The following PBX1 variants were observed in gnomAD, a reference collection of about 807,000 sequenced individuals.
PBX1 encodes the protein pre-B-cell leukemia transcription factor 1.
PBX1 carries 6 observed loss-of-function variants against 53.4 expected under a neutral mutation model. The ratio of observed to expected loss-of-function variants is 0.11; its 90% CI spans 0.06 to 0.22. The LOEUF (loss-of-function observed/expected upper bound fraction) is 0.22. PBX1 is among the 10% of genes least tolerant of loss of function. PBX1 has a pLI of 1.00. For synonymous variants in PBX1, 204 were observed against 212.3 expected, an observed-to-expected ratio of 0.96 and a Z score of 0.34; for missense variants, 251 against 551.4, an observed-to-expected ratio of 0.46 and a Z score of 5.46.
At chr1:164,798,840 CCAGAA>C (rs1269966866) in intron 3 of PBX1, among the ~76,000 whole-genome samples, 1 of 152,126 alleles carries the variant, frequency 6.6e-6, no homozygotes, top group East Asian at 1.9e-4. Flanking sequence ...CTTCAGAAGG[CCAGAA>C]CAGGAGAGGA....
chr1:164,597,179 AG>A (rs1557881541), intron 2 of PBX1, among the ~76,000 whole-genome samples: 1 of 152,264 alleles, frequency 6.6e-6, no homozygotes, highest in Non-Finnish European at 1.5e-5. Context: ...TTCATTAAAA[AG>A]TCTGAAAACA....
intron 2 of PBX1, among the ~76,000 whole-genome samples, chr1:164,707,096 T>C (rs1663463827): frequency 6.6e-6 from 1 of 152,000 alleles, no homozygotes; most frequent in Non-Finnish European, 1.5e-5. Flanking sequence ...AAACAGCAAA[T>C]GTCAGGGAAG....
intron 2 of PBX1, among the ~76,000 whole-genome samples, chr1:164,617,730 C>T (rs1285080207): frequency 6.6e-6 from 1 of 152,174 alleles, no homozygotes; most frequent in East Asian, 1.9e-4. Flanking sequence ...TAAAAATGTA[C>T]TTGCTTTGTT....
At chr1:164,591,371 A>G (rs1437319776) in intron 2 of PBX1, among the ~76,000 whole-genome samples, 1 of 152,188 alleles carries the variant, frequency 6.6e-6, no homozygotes, top group African/African-American at 2.4e-5. Context: ...ATCAAGGGAA[A>G]ACCTTATTAA....
Position 164,850,573 on chromosome 1 carries a change from A to G in PBX1, c.*3897A>G. 5.2e-6 allele frequency: 1 copy of G among 191,936 alleles called. No individual in the cohort carries two copies. The highest frequency in any genetic ancestry group is 1.1e-5 in the Non-Finnish European group (1 of 91,796). 11.9% of individuals were successfully genotyped at this position (191,936 alleles called of 1,614,324 possible). The stretch of plus-strand genomic sequence containing the variant: ...GCTGTTTTTCTTCAATATGTATACA[A>G]GGTGATGTGAAAAGATGACTTGGGC... On this transcript the variant is annotated 3_prime_UTR_variant, in exon 9 of 9. Transcript: ENST00000420696.
At chr1:164,673,465 CTTT>C (rs1171916726) in intron 2 of PBX1, among the ~76,000 whole-genome samples, 10 of 109,396 alleles carry the variant, frequency 9.1e-5, no homozygotes, top group East Asian at 5.0e-4. Context: ...AAATTACTAA[CTTT>C]TTTTTTTTTT....
chr1:164,796,877 T>C (rs1668812925), intron 3 of PBX1, among the ~76,000 whole-genome samples: 1 of 152,216 alleles, frequency 6.6e-6, no homozygotes. Context: ...TAACCCCAAG[T>C]ATTCACATTA....
At chr1:164,797,909 G>A (rs1448341640) in intron 3 of PBX1, among the ~76,000 whole-genome samples, 1 of 152,248 alleles carries the variant, frequency 6.6e-6, no homozygotes, top group East Asian at 1.9e-4. Context: ...TCCAGAGGCA[G>A]GAGCTGAACC....
intron 2 of PBX1, among the ~76,000 whole-genome samples, chr1:164,733,019 T>C (rs1039675392): frequency 6.6e-6 from 1 of 152,360 alleles, no homozygotes; most frequent in Non-Finnish European, 1.5e-5. Context: ...CTTGATCTTA[T>C]TGAGCCTCTT....
At chr1:164,600,055 T>C (rs191958652) in intron 2 of PBX1, among the ~76,000 whole-genome samples, 29 of 152,246 alleles carry the variant, frequency 1.9e-4, no homozygotes, top group Admixed American at 2.0e-4. Flanking sequence ...TAATGTTGAG[T>C]ACTTTAAATA....
chr1:164,639,450 C>G (rs1321969847), intron 2 of PBX1: 1 of 152,146 alleles, frequency 6.6e-6, no homozygotes, highest in East Asian at 1.9e-4. Flanking sequence ...CATACAGAAT[C>G]AGTTAGGATG....
chr1:164,574,799 T>G (rs566271579), intron 2 of PBX1, among the ~76,000 whole-genome samples: 1 of 152,190 alleles, frequency 6.6e-6, no homozygotes, highest in East Asian at 1.9e-4. Context: ...CTGGCCAACA[T>G]GGCGAAATGC....
intron 2 of PBX1, among the ~76,000 whole-genome samples, chr1:164,573,905 T>A (rs759609461): frequency 6.6e-6 from 1 of 152,336 alleles, no homozygotes; most frequent in Middle Eastern, 3.4e-3. Context: ...TAACTCCGTT[T>A]TGTTCCTTTT....
At chr1:164,583,990 T>C (rs1654793330) in intron 2 of PBX1, among the ~76,000 whole-genome samples, 1 of 152,138 alleles carries the variant, frequency 6.6e-6, no homozygotes, top group Non-Finnish European at 1.5e-5. Flanking sequence ...TCTCCAAGAT[T>C]GCAAGCTCCC....
At chr1:164,825,208 T>A (rs1670392266) in intron 8 of PBX1, among the ~76,000 whole-genome samples, 1 of 152,034 alleles carries the variant, frequency 6.6e-6, no homozygotes, top group Admixed American at 6.6e-5. Flanking sequence ...CCACATCACC[T>A]CTCCATCCCA....
intron 2 of PBX1, among the ~76,000 whole-genome samples, chr1:164,653,391 A>G (rs528390603): frequency 6.6e-6 from 1 of 151,300 alleles, no homozygotes; most frequent in Admixed American, 6.6e-5. Flanking sequence ...AGTATGTAAG[A>G]TACAATTTTT....
chr1:164,697,601 T>A (rs1662867574), intron 2 of PBX1, among the ~76,000 whole-genome samples: 1 of 152,248 alleles, frequency 6.6e-6, no homozygotes, highest in Non-Finnish European at 1.5e-5. Flanking sequence ...AATGTTAATT[T>A]GTTGCAAAGA....
At chr1:164,603,923 C>A (rs1195944312) in intron 2 of PBX1, among the ~76,000 whole-genome samples, 1 of 74,076 alleles carries the variant, frequency 1.3e-5, no homozygotes, top group Admixed American at 1.7e-4. Context: ...TACATTATGT[C>A]ATTTCATTTT....
chr1:164,768,651 A>G lies in PBX1; in HGVS notation c.266-23843A>G, dbSNP rs117586882. Among the ~76,000 whole-genome samples the G allele has an allele frequency of 2.5e-4, 38 of 152,334 alleles. No homozygotes were observed. In the East Asian group the frequency reaches 6.4e-3, roughly 25 times the overall value. On this transcript the variant is annotated intron_variant, in intron 2 of 8. Coordinates refer to ENST00000420696, the MANE Select transcript of PBX1 (RefSeq NM_002585.4). ...GTGCTGAGTGTAGCGGAAGAAGACA[A>G]TAATTGACAGAGAAGCATATCATCT...
Sources: gnomAD v4.1 joint callset for allele counts (sites outside exome capture counted in the v4.1 genomes callset) on GRCh38, gnomAD v4.1.1 for gene constraint, MANE v1.5 for transcripts, NCBI Gene and HGNC (gene_info 2026-07-23, HGNC 2026-07-21) for gene names.